The following TRAPPC9 variants were observed in gnomAD, a reference collection of about 807,000 sequenced individuals.
TRAPPC9 encodes IKK2 binding protein.
In TRAPPC9, 83 loss-of-function variants were observed where a neutral mutation model predicts 124.0. The ratio of observed to expected loss-of-function variants is 0.67; its 90% CI spans 0.56 to 0.80. TRAPPC9 has a LOEUF of 0.80. Ranked by LOEUF, TRAPPC9 falls within the 30% of genes least tolerant of loss-of-function variation. The pLI is 0.00. For synonymous variants in TRAPPC9, 638 were observed against 617.5 expected, an observed-to-expected ratio of 1.03 and a Z score of -0.49; for missense variants, 1,302 against 1,508.3, an observed-to-expected ratio of 0.86 and a Z score of 2.27.
intron 21 of TRAPPC9, among the ~76,000 whole-genome samples, chr8:139,833,561 A>G (rs1826125406): frequency 6.6e-6 from 1 of 152,266 alleles, no homozygotes; most frequent in South Asian, 2.1e-4. Flanking sequence ...TAAAGAAGTC[A>G]TTTCCTTACT....
chr8:140,003,115 A>C (rs192098545), intron 18 of TRAPPC9, among the ~76,000 whole-genome samples: 41 of 152,264 alleles, frequency 2.7e-4, no homozygotes, highest in Admixed American at 1.8e-3. Flanking sequence ...CAGATAAAGG[A>C]CTTGTATCTA....
At chr8:139,890,742 G>C (rs1830286871) in intron 20 of TRAPPC9, among the ~76,000 whole-genome samples, 2 of 152,046 alleles carry the variant, frequency 1.3e-5, no homozygotes, top group African/African-American at 4.8e-5. Context: ...AAATATCTGT[G>C]GCTAGATGAT....
At chr8:140,432,741 G>A (rs1167191061) in intron 4 of TRAPPC9, among the ~76,000 whole-genome samples, 3 of 151,962 alleles carry the variant, frequency 2.0e-5, no homozygotes, top group Non-Finnish European at 2.9e-5. Flanking sequence ...GCGTGGTGGC[G>A]GACGCCTGTA....
chr8:140,456,286 C>A (rs2071662260), intron 1 of TRAPPC9, among the ~76,000 whole-genome samples: 1 of 152,070 alleles, frequency 6.6e-6, no homozygotes, highest in Admixed American at 6.6e-5. Context: ...GTGGCAGGCA[C>A]CTGTAATCCC....
chr8:139,939,612 G>A (rs1833774760), intron 19 of TRAPPC9, among the ~76,000 whole-genome samples: 1 of 152,178 alleles, frequency 6.6e-6, no homozygotes, highest in Non-Finnish European at 1.5e-5. Context: ...TGGGGCTGAT[G>A]TGCATCCTGG....
intron 2 of TRAPPC9, among the ~76,000 whole-genome samples, chr8:140,449,325 C>A (rs1267594386): frequency 6.6e-6 from 1 of 152,198 alleles, no homozygotes. Flanking sequence ...AGAGCCCTGT[C>A]CAAGCCAGGA....
chr8:140,158,458 G>A (rs1168470473), intron 17 of TRAPPC9, among the ~76,000 whole-genome samples: 2 of 152,194 alleles, frequency 1.3e-5, no homozygotes, highest in Non-Finnish European at 2.9e-5. Context: ...AGGAGGGCAG[G>A]GAGACAGACT....
At chr8:140,032,437 C>A (rs1308646142) in intron 17 of TRAPPC9, among the ~76,000 whole-genome samples, 1 of 152,086 alleles carries the variant, frequency 6.6e-6, no homozygotes, top group Non-Finnish European at 1.5e-5. Context: ...CCAGCACCAC[C>A]TTGCAATAAA....
At chr8:140,255,336 G>A (rs2064226668) in intron 15 of TRAPPC9, among the ~76,000 whole-genome samples, 1 of 152,208 alleles carries the variant, frequency 6.6e-6, no homozygotes, top group South Asian at 2.1e-4. Context: ...TATGTAACAG[G>A]TCATTCAGCT....
At position 139,747,707 on chromosome 8, in the gene TRAPPC9, C is replaced by T. The variant is rs551718047; in HGVS notation, c.3056-15505G>A. Among the ~76,000 whole-genome samples the T allele has an allele frequency of 8.8e-4, 20 of 22,752 alleles. 1 individual carries two copies. Among genetic ancestry groups the T allele is most frequent in the African/African-American group, 4.4e-3 (18 of 4,072 alleles). 14.9% of individuals were successfully genotyped at this position (22,752 alleles called of 152,430 possible). The stretch of plus-strand genomic sequence containing the variant: ...GTCAGAGTGGGTGTGGGGGGTGTCC[C>T]GGGGTCAGAGCAGGTGGGAGGTGTG... On this transcript the variant is annotated intron_variant, in intron 21 of 22. Coordinates refer to ENST00000438773, the MANE Select transcript of TRAPPC9 (RefSeq NM_001160372.4).
rs971703258 is a variant in TRAPPC9 at position 139,960,631 on chromosome 8, G to A, written c.2810+28095C>T. Among the ~76,000 whole-genome samples the A allele has an allele frequency of 9.4e-5, 12 of 127,792 alleles. 2 individuals carry two copies. Among genetic ancestry groups the A allele is most frequent in the African/African-American group, 2.2e-4 (9 of 40,092 alleles). The allele number at this position is 127,792 out of a possible 152,430, so 83.8% of individuals were successfully genotyped here. A position where few individuals can be genotyped will look rare whatever the true frequency, so the allele number is the denominator to read the frequency against. On this transcript the variant is annotated intron_variant, in intron 19 of 22. Coordinates refer to ENST00000438773, the MANE Select transcript of TRAPPC9 (RefSeq NM_001160372.4). Reference sequence around the variant, plus strand: ...CTGTCAAGTCTGGACTCTGCCTCTCGCCAGCTGTAGGCCAGGACTCACCAA... The same window carrying A: ...CTGTCAAGTCTGGACTCTGCCTCTCACCAGCTGTAGGCCAGGACTCACCAA...
At chr8:140,162,291 G>A (rs1415321895) in intron 17 of TRAPPC9, among the ~76,000 whole-genome samples, 1 of 152,062 alleles carries the variant, frequency 6.6e-6, no homozygotes, top group Non-Finnish European at 1.5e-5. Flanking sequence ...CCTAGGCTCC[G>A]GCCCTACTGA....
intron 17 of TRAPPC9, among the ~76,000 whole-genome samples, chr8:140,073,755 G>C (rs1310619477): frequency 6.6e-6 from 1 of 152,186 alleles, no homozygotes; most frequent in African/African-American, 2.4e-5. Flanking sequence ...GGTGACCTGG[G>C]TAGGGATGAT....
chr8:139,816,181 G>A (rs1433049344), intron 21 of TRAPPC9, among the ~76,000 whole-genome samples: 2 of 152,200 alleles, frequency 1.3e-5, no homozygotes, highest in Admixed American at 6.5e-5. Context: ...GTGGAGGCCT[G>A]GAAGGCCAGA....
chr8:140,159,811 A>C (rs1324581209), intron 17 of TRAPPC9, among the ~76,000 whole-genome samples: 1 of 152,196 alleles, frequency 6.6e-6, no homozygotes, highest in Non-Finnish European at 1.5e-5. Flanking sequence ...ATGAACTGCA[A>C]TGTTCCACAT....
chr8:139,922,814 CAG>C (rs1343662576), intron 19 of TRAPPC9, among the ~76,000 whole-genome samples: 3 of 152,222 alleles, frequency 2.0e-5, no homozygotes, highest in Non-Finnish European at 4.4e-5. Flanking sequence ...GGACACTAGA[CAG>C]AGCTGGGACA....
In TRAPPC9 at chr8:140,221,543, A is replaced by G; in HGVS notation, c.2472T>C (p.Phe824=). 1 of 1,614,110 alleles carries G rather than the reference A, an allele frequency of 6.2e-7. No individual in the cohort carries two copies. Among genetic ancestry groups the G allele is most frequent in the Non-Finnish European group, 8.5e-7 (1 of 1,179,970 alleles). Residue 824 remains phenylalanine (F), a synonymous_variant, in exon 17 of 23, where the codon TTT becomes TTC. Transcript: ENST00000438773. ...CCACTCGGGGCCGAACGACCTGCCGAAAAGGACTGGACAGGGGAAAGCCAC... is the reference window on the plus strand; with the variant it reads ...CCACTCGGGGCCGAACGACCTGCCGGAAAGGACTGGACAGGGGAAAGCCAC... ...SVSGFPLSSP[F]RQVVRPRVEG...
At chr8:140,020,268 A>G (rs558818425) in intron 18 of TRAPPC9, among the ~76,000 whole-genome samples, 5 of 152,260 alleles carry the variant, frequency 3.3e-5, no homozygotes, top group South Asian at 2.1e-4. Context: ...TCTTCTGCTT[A>G]CTCTAGGTAC....
At chr8:140,267,918 G>A (rs1277653998) in intron 15 of TRAPPC9, among the ~76,000 whole-genome samples, 2 of 151,978 alleles carry the variant, frequency 1.3e-5, no homozygotes, top group African/African-American at 2.4e-5. Flanking sequence ...CACCTGCCTC[G>A]GCCTCCCAAA....
Sources: allele counts gnomAD v4.1 joint callset (sites outside exome capture counted in the v4.1 genomes callset), GRCh38; gene constraint gnomAD v4.1.1; transcripts MANE v1.5; gene names NCBI Gene and HGNC (gene_info 2026-07-23, HGNC 2026-07-21).